The following MGMT variants were observed in gnomAD, a reference collection of about 807,000 sequenced individuals.
The protein encoded by MGMT is methylated-DNA--protein-cysteine methyltransferase.
A neutral mutation model predicts 15.9 loss-of-function variants in MGMT; 14 were observed. That is an observed-to-expected ratio of 0.88 (90% confidence interval 0.58 to 1.37). MGMT has a LOEUF of 1.37. Among genes scored for constraint, MGMT ranks in the 40% most tolerant of loss-of-function variants. The probability of loss-of-function intolerance (pLI) is 0.00; values close to 1 mark genes in which losing one functional copy is unlikely to be tolerated. For synonymous variants in MGMT, 130 were observed against 118.2 expected (o/e 1.10, Z -0.65); for missense variants, 282 against 268.1 (o/e 1.05, Z -0.36).
chr10:129,536,320 GT>G lies in MGMT; in HGVS notation c.70del (p.Cys24ValfsTer8). ...DSPLGKLELS[G>X]CEQGLHEIKL... ...CCTTTGGGGAAGCTGGAGCTGTCTG[GT>G]TGTGAGCAGGGTCTGCACGAAATAA... On this transcript the variant is annotated frameshift_variant, in exon 2 of 5. Coordinates refer to ENST00000651593, the MANE Select transcript of MGMT (RefSeq NM_002412.5). LOFTEE classifies it high-confidence loss of function. 6.2e-7 allele frequency: 1 copy of G among 1,614,174 alleles called. No homozygotes were observed. Among genetic ancestry groups the G allele is most frequent in the Non-Finnish European group, 8.5e-7 (1 of 1,180,038 alleles).
At chr10:129,648,159 AT>A (rs1327308373) in intron 2 of MGMT, among the ~76,000 whole-genome samples, 5 of 152,182 alleles carry the variant, frequency 3.3e-5, no homozygotes, top group Non-Finnish European at 7.3e-5. Context: ...TCTCCATAAT[AT>A]TTTATTTATT....
intron 2 of MGMT, among the ~76,000 whole-genome samples, chr10:129,672,831 T>G (rs992764798): frequency 6.6e-6 from 1 of 152,182 alleles, no homozygotes; most frequent in African/African-American, 2.4e-5. Context: ...TCATATTGTC[T>G]TATCTCCTCA....
intron 3 of MGMT, among the ~76,000 whole-genome samples, chr10:129,731,158 A>G (rs1005194765): frequency 6.6e-6 from 1 of 152,136 alleles, no homozygotes; most frequent in Admixed American, 6.5e-5. Flanking sequence ...GCCCAGGACT[A>G]GATGGAGCCT....
At chr10:129,652,839 C>T (rs1009970788) in intron 2 of MGMT, among the ~76,000 whole-genome samples, 3 of 152,256 alleles carry the variant, frequency 2.0e-5, no homozygotes, top group Non-Finnish European at 2.9e-5. Context: ...TGCCCGTGCA[C>T]CCATGCAGCT....
chr10:129,536,393 C>G lies in MGMT; in HGVS notation c.125+16C>G. 6.2e-7 allele frequency: 1 copy of G among 1,608,496 alleles called. No homozygotes were observed. Among genetic ancestry groups the G allele is most frequent in the Non-Finnish European group, 8.5e-7 (1 of 1,178,476 alleles). ...CTGCAGCTGAGTAAGTATGAGCCCA[C>G]GTGATCCTGTATACCGCACATGCTG... On this transcript the variant is annotated intron_variant, in intron 2 of 4. Transcript: ENST00000651593.
intron 3 of MGMT, among the ~76,000 whole-genome samples, chr10:129,736,228 T>C (rs1180997308): frequency 2.0e-5 from 3 of 149,334 alleles, no homozygotes; most frequent in Admixed American, 6.7e-5. Context: ...GGACTTGCTT[T>C]ACGAATCTGG....
chr10:129,698,403 G>C (rs867153102), intron 2 of MGMT, among the ~76,000 whole-genome samples: 1 of 152,298 alleles, frequency 6.6e-6, no homozygotes, highest in East Asian at 1.9e-4. Context: ...CAGTTGCCTA[G>C]CCTCAAAGAT....
intron 2 of MGMT, among the ~76,000 whole-genome samples, chr10:129,569,887 C>T (rs1846397614): frequency 6.6e-6 from 1 of 152,196 alleles, no homozygotes; most frequent in Non-Finnish European, 1.5e-5. Context: ...CCTTCAGAGC[C>T]ACCAACACAT....
At chr10:129,546,065 A>T (rs1206218248) in intron 2 of MGMT, among the ~76,000 whole-genome samples, 1 of 152,208 alleles carries the variant, frequency 6.6e-6, no homozygotes, top group Non-Finnish European at 1.5e-5. Context: ...TCTTTTTGCG[A>T]TAAAAACATT....
intron 2 of MGMT, among the ~76,000 whole-genome samples, chr10:129,666,080 TG>T (rs1847655762): frequency 6.6e-6 from 1 of 152,084 alleles, no homozygotes; most frequent in South Asian, 2.1e-4. Context: ...AATGTTTGTG[TG>T]GGGAGGGAGG....
At chr10:129,682,048 A>T (rs1459903394) in intron 2 of MGMT, among the ~76,000 whole-genome samples, 1 of 152,152 alleles carries the variant, frequency 6.6e-6, no homozygotes, top group East Asian at 1.9e-4. Context: ...CCACGCAGAG[A>T]CCACACACTC....
chr10:129,470,570 C>T (rs1845218987), intron 1 of MGMT, among the ~76,000 whole-genome samples: 1 of 152,142 alleles, frequency 6.6e-6, no homozygotes, highest in Admixed American at 6.5e-5. Context: ...GTGGCTTTGG[C>T]AGGTGTGGAT....
At chr10:129,617,014 G>C (rs906971701) in intron 2 of MGMT, among the ~76,000 whole-genome samples, 1 of 152,184 alleles carries the variant, frequency 6.6e-6, no homozygotes, top group Non-Finnish European at 1.5e-5. Flanking sequence ...CATGTTTGTT[G>C]TATAGGTAAC....
At chr10:129,688,175 G>A (rs985185651) in intron 2 of MGMT, among the ~76,000 whole-genome samples, 4 of 152,222 alleles carry the variant, frequency 2.6e-5, no homozygotes, top group Non-Finnish European at 5.9e-5. Context: ...CTTTATAGCA[G>A]CATGATTTAT....
chr10:129,611,896 C>A (rs1339579536), intron 2 of MGMT, among the ~76,000 whole-genome samples: 1 of 152,178 alleles, frequency 6.6e-6, no homozygotes, highest in Non-Finnish European at 1.5e-5. Flanking sequence ...TGGAAAGAGT[C>A]AAACTCTGTA....
chr10:129,678,145 T>C (rs2133117826), intron 2 of MGMT, among the ~76,000 whole-genome samples: 1 of 152,212 alleles, frequency 6.6e-6, no homozygotes, highest in South Asian at 2.1e-4. Flanking sequence ...GGTGGCTCCA[T>C]GCAGGAAACA....
intron 2 of MGMT, among the ~76,000 whole-genome samples, chr10:129,613,777 C>A (rs1447710068): frequency 6.6e-6 from 1 of 152,232 alleles, no homozygotes; most frequent in African/African-American, 2.4e-5. Flanking sequence ...TGCCCAGCGT[C>A]ACGCAGTGTC....
intron 1 of MGMT, among the ~76,000 whole-genome samples, chr10:129,529,490 G>T (rs562907361): frequency 7.9e-5 from 12 of 152,080 alleles, no homozygotes; most frequent in Non-Finnish European, 4.4e-5. Flanking sequence ...TGACAGTAAC[G>T]CTGGCTCACC....
chr10:129,638,437 A>G (rs1180157142), intron 2 of MGMT, among the ~76,000 whole-genome samples: 1 of 121,402 alleles, frequency 8.2e-6, no homozygotes, highest in Non-Finnish European at 1.8e-5. Context: ...GGCAAAAAAA[A>G]AAAAAAAAGA....
Sources: allele counts gnomAD v4.1 joint callset (sites outside exome capture counted in the v4.1 genomes callset), GRCh38; gene constraint gnomAD v4.1.1; transcripts MANE v1.5; gene names NCBI Gene and HGNC (gene_info 2026-07-23, HGNC 2026-07-21).